The following FOCAD variants were observed in gnomAD, a reference collection of about 807,000 sequenced individuals.
FOCAD encodes the protein focadhesin.
In FOCAD, 198 loss-of-function variants were observed where a neutral mutation model predicts 225.6. The observed-to-expected ratio is 0.88, with a 90% CI of 0.78 to 0.99. FOCAD has a LOEUF of 0.99. FOCAD is among the 50% of genes least tolerant of loss of function. FOCAD has a pLI of 0.00. For missense variants in FOCAD, 2,713 were observed against 2,123.6 expected, an observed-to-expected ratio of 1.28 and a Z score of -5.46; for synonymous variants, 897 against 755.0, an observed-to-expected ratio of 1.19 and a Z score of -3.08.
chr9:20,775,611 G>C (rs1341295513), intron 8 of FOCAD, among the ~76,000 whole-genome samples: 2 of 152,150 alleles, frequency 1.3e-5, no homozygotes, highest in African/African-American at 4.8e-5. Flanking sequence ...CTCATGCCTT[G>C]TTTTCTCTTT....
Position 20,926,432 on chromosome 9 carries a change from T to TA in FOCAD, c.3078+21dup, listed in dbSNP as rs750922803. 59 of 1,462,402 alleles carry TA rather than the reference T, an allele frequency of 4.0e-5. No homozygotes were observed. The highest frequency in any genetic ancestry group is 5.3e-5 in the Non-Finnish European group (55 of 1,043,948). 90.6% of individuals were successfully genotyped at this position (1,462,402 alleles called of 1,614,324 possible). ...GGTTTTATTATGTAAGTGCAAAAAA[T>TA]AAAAAATGATCAGAAAACTCAAGAA... On this transcript the variant is annotated intron_variant, in intron 26 of 43. Coordinates refer to ENST00000338382, the MANE Select transcript of FOCAD (RefSeq NM_001375567.1).
At chr9:20,850,089 T>A (rs567888395) in intron 15 of FOCAD, among the ~76,000 whole-genome samples, 1 of 151,862 alleles carries the variant, frequency 6.6e-6, no homozygotes, top group East Asian at 1.9e-4. Context: ...TTAGCAATAA[T>A]CATAACAATG....
intron 15 of FOCAD, among the ~76,000 whole-genome samples, chr9:20,830,251 A>G (rs1429604852): frequency 6.6e-6 from 1 of 152,026 alleles, no homozygotes; most frequent in Non-Finnish European, 1.5e-5. Context: ...TTAATGTATA[A>G]TGTTTTGCAT....
chr9:20,694,838 A>G (rs1481788301), intron 1 of FOCAD, among the ~76,000 whole-genome samples: 1 of 152,222 alleles, frequency 6.6e-6, no homozygotes, highest in African/African-American at 2.4e-5. Flanking sequence ...AATTAATACC[A>G]ATTCCTAAAT....
At chr9:20,667,837 C>A (rs1229972242) in intron 2 of FOCAD, among the ~76,000 whole-genome samples, 2 of 152,144 alleles carry the variant, frequency 1.3e-5, no homozygotes, top group African/African-American at 4.8e-5. Flanking sequence ...TGAAAAAAAA[C>A]CTCCCTAATG....
chr9:20,845,442 G>GAGATATATATATAT (rs368497237), intron 15 of FOCAD, among the ~76,000 whole-genome samples: 15 of 121,258 alleles, frequency 1.2e-4, no homozygotes, highest in African/African-American at 3.2e-4. Context: ...TCTTTTCCTC[G>GAGATATATATATAT]ATATATATAT....
intron 21 of FOCAD, among the ~76,000 whole-genome samples, chr9:20,892,890 C>T (rs1001629557): frequency 6.6e-6 from 1 of 152,072 alleles, no homozygotes; most frequent in African/African-American, 2.4e-5. Flanking sequence ...ACAGCCATCC[C>T]AACATTCATC....
At chr9:20,735,197 A>T (rs1161218613) in intron 4 of FOCAD, among the ~76,000 whole-genome samples, 1 of 152,150 alleles carries the variant, frequency 6.6e-6, no homozygotes, top group African/African-American at 2.4e-5. Context: ...TTTTGTGGGC[A>T]TGTATGCTGT....
rs371602877 is a variant in FOCAD, at chr9:20,978,480, C to T, written c.4377+26C>T. ...GTATGTAGTAACTAAGGGTGTTGGC[C>T]AACAGGAGGATATTGTTCTTTAGGA... On this transcript the variant is annotated intron_variant, in intron 37 of 43. Transcript: ENST00000338382. The T allele has an allele frequency of 2.7e-6, 4 of 1,455,790 alleles. No homozygotes were observed. In the African/African-American group the frequency reaches 5.6e-5, roughly 20 times the overall value. 90.2% of individuals were successfully genotyped at this position (1,455,790 alleles called of 1,614,324 possible). A position where few individuals can be genotyped will look rare whatever the true frequency, so the allele number is the denominator to read the frequency against.
At chr9:20,802,470 A>T (rs1316950945) in intron 11 of FOCAD, among the ~76,000 whole-genome samples, 2 of 152,156 alleles carry the variant, frequency 1.3e-5, no homozygotes, top group Non-Finnish European at 2.9e-5. Flanking sequence ...TTTAGAATTC[A>T]TGAAAGGAAT....
intron 7 of FOCAD, among the ~76,000 whole-genome samples, chr9:20,768,475 C>G (rs1817823246): frequency 6.6e-6 from 1 of 151,582 alleles, no homozygotes; most frequent in Non-Finnish European, 1.5e-5. Flanking sequence ...AATGTTCTTC[C>G]ATTTGTTTGT....
In FOCAD at chr9:20,965,138, C is replaced by G. The variant is rs80190146; in HGVS notation, c.4133-11282C>G. 2.8e-3 allele frequency among the ~76,000 whole-genome samples: 432 copies of G among 152,264 alleles called. 5 individuals carry two copies. The highest frequency in any genetic ancestry group is 0.01 in the African/African-American group (422 of 41,540). On this transcript the variant is annotated intron_variant, in intron 35 of 43. Transcript: ENST00000338382. ...ATTTCAGGAATGAGGGCATGGTACT[C>G]TTTTATATGGAAAAGTATGGAAAGA...
chr9:20,669,925 C>G (rs1822009431), intron 2 of FOCAD, among the ~76,000 whole-genome samples: 1 of 152,126 alleles, frequency 6.6e-6, no homozygotes, highest in African/African-American at 2.4e-5. Context: ...ACTCATGAAG[C>G]CCAGATTCTG....
chr9:20,851,096 T>A (rs1378588701), intron 15 of FOCAD, among the ~76,000 whole-genome samples: 1 of 151,550 alleles, frequency 6.6e-6, no homozygotes, highest in Non-Finnish European at 1.5e-5. Context: ...TTGGTTTAAG[T>A]GTCAGGGTTT....
At chr9:20,792,310 T>C (rs888534430) in intron 11 of FOCAD, among the ~76,000 whole-genome samples, 4 of 152,180 alleles carry the variant, frequency 2.6e-5, no homozygotes, top group Admixed American at 2.6e-4. Flanking sequence ...AAAATAAAAG[T>C]GTAAATAGTT....
chr9:20,794,277 T>C (rs1820835551), intron 11 of FOCAD, among the ~76,000 whole-genome samples: 1 of 152,160 alleles, frequency 6.6e-6, no homozygotes, highest in Non-Finnish European at 1.5e-5. Context: ...GTATTGTGTA[T>C]AAAAATCCTA....
intron 19 of FOCAD, chr9:20,875,118 G>T (rs1312853779): frequency 1.4e-5 from 4 of 280,366 alleles, no homozygotes; most frequent in Non-Finnish European, 2.6e-5. Context: ...GGTACTCTAG[G>T]TCATTGATTT....
At chr9:20,822,635 C>G (rs992151993) in intron 14 of FOCAD, among the ~76,000 whole-genome samples, 1 of 151,990 alleles carries the variant, frequency 6.6e-6, no homozygotes, top group African/African-American at 2.4e-5. Flanking sequence ...TACTATCAGG[C>G]CAGAATAGCT....
At chr9:20,784,684 A>G (rs567204393) in intron 10 of FOCAD, among the ~76,000 whole-genome samples, 11 of 152,176 alleles carry the variant, frequency 7.2e-5, no homozygotes, top group Non-Finnish European at 1.5e-4. Context: ...AAAATTAAAT[A>G]TGGTACTTTT....
Sources: gnomAD v4.1 joint callset for allele counts (sites outside exome capture counted in the v4.1 genomes callset) on GRCh38, gnomAD v4.1.1 for gene constraint, MANE v1.5 for transcripts, NCBI Gene and HGNC (gene_info 2026-07-23, HGNC 2026-07-21) for gene names.